ARAP1: variants seen among roughly 807,000 people sequenced by gnomAD.
The protein encoded by ARAP1 is arf-GAP with Rho-GAP domain, ANK repeat and PH domain-containing protein 1.
In ARAP1, 76 loss-of-function variants were observed where a neutral mutation model predicts 172.2. That is an observed-to-expected ratio of 0.44 (90% CI 0.37 to 0.53). The LOEUF (loss-of-function observed/expected upper bound fraction) is 0.53, where lower values mean the gene tolerates loss of function less well. Among genes scored for constraint, ARAP1 ranks in the 20% least tolerant of loss-of-function variants. ARAP1 has a pLI of 0.00. For missense variants in ARAP1, 1,686 were observed against 1,977.5 expected, an observed-to-expected ratio of 0.85 and a Z score of 2.80; for synonymous variants, 804 against 803.3, an observed-to-expected ratio of 1.00 and a Z score of -0.01.
intron 1 of ARAP1, among the ~76,000 whole-genome samples, chr11:72,745,332 G>A (rs1858327967): frequency 6.7e-6 from 1 of 150,304 alleles, no homozygotes; most frequent in Admixed American, 6.6e-5. Context: ...GGGACTACAG[G>A]CGCCTGCCAC....
chr11:72,744,323 G>A (rs996825825), intron 1 of ARAP1, among the ~76,000 whole-genome samples: 8 of 152,162 alleles, frequency 5.3e-5, no homozygotes, highest in African/African-American at 1.9e-4. Flanking sequence ...CACATGGAGA[G>A]CCAGGCAAAT....
Position 72,685,405 on chromosome 11 carries a change from C to A in ARAP1, c.*259G>T, listed in dbSNP as rs1429544601. ...TCTCCAGCCCCACAAGGACAGTGAA[C>A]CCGGTGGGGTGAGCAGGTTGGGCCA... On this transcript the variant is annotated 3_prime_UTR_variant, in exon 35 of 35. Transcript: ENST00000393609. 2 of 564,722 alleles carry A rather than the reference C, an allele frequency of 3.5e-6. No individual in the cohort carries two copies. The highest frequency in any genetic ancestry group is 6.3e-6 in the Non-Finnish European group (2 of 316,022). The allele number at this position is 564,722 out of a possible 1,614,324, so 35.0% of individuals were successfully genotyped here. A position where few individuals can be genotyped will look rare whatever the true frequency, so the allele number is the denominator to read the frequency against.
At chr11:72,694,934 A>G in intron 27 of ARAP1, 46 bp downstream of exon 27, 1 of 1,558,682 alleles carries the variant, frequency 6.4e-7, no homozygotes, top group Non-Finnish European at 8.8e-7. Context: ...TACAGCTGAG[A>G]CAAGACAAGC....
intron 11 of ARAP1, 123 bp downstream of exon 11, chr11:72,709,746 TG>T: frequency 2.1e-6 from 2 of 969,166 alleles, no homozygotes; most frequent in Non-Finnish European, 3.3e-6. Context: ...GCTCCACAGG[TG>T]GGGCAGGGCG....
chr11:72,704,621 G>A (rs1421796534), intron 13 of ARAP1: 1 of 387,646 alleles, frequency 2.6e-6, no homozygotes, highest in African/African-American at 2.1e-5. Context: ...GGGCCTTGCT[G>A]CTGCCCCACC....
At chr11:72,711,620 T>A in intron 7 of ARAP1, 121 bp from the exon 8 acceptor site, 1 of 737,856 alleles carries the variant, frequency 1.4e-6, no homozygotes, top group South Asian at 1.7e-5. Flanking sequence ...GGAGGAAGAA[T>A]CCCAAATGGC....
Position 72,726,624 on chromosome 11 carries a change from C to A in ARAP1, c.505G>T (p.Val169Leu). The A allele has an allele frequency of 6.6e-7, 1 of 1,509,094 alleles. No homozygotes were observed. The allele number at this position is 1,509,094 out of a possible 1,614,324, so 93.5% of individuals were successfully genotyped here. Residue 169 changes from valine to leucine, a missense_variant, in exon 3 of 35, where the codon GTG becomes TTG. By Grantham distance (32) the Val-to-Leu change is conservative. Transcript: ENST00000393609. This position sits in a 1 kb window ranked among gnomAD's most constrained non-coding sequence, Gnocchi z 6.5. ...CCCTGGGTGGCATCCACTCACCTCACCAGCAGGCGGGGGGGTCCGGTGCGG... is the reference window on the plus strand; with the variant it reads ...CCCTGGGTGGCATCCACTCACCTCAACAGCAGGCGGGGGGGTCCGGTGCGG... ...PPRTGPPRLLVSLPTKEEESL... is the reference protein window; with the variant it reads ...PPRTGPPRLLLSLPTKEEESL...
chr11:72,699,346 A>T lies in ARAP1; in HGVS notation c.2438+71T>A. 6.3e-7 allele frequency: 1 copy of T among 1,599,698 alleles called. No individual in the cohort carries two copies. The highest frequency in any genetic ancestry group is 1.1e-5 in the South Asian group (1 of 89,552). ...GGAGGTCCTCCCCTTCTCTGGGTCT[A>T]TTTCCCTGTCTCCCCAGTGGGGGAT... On this transcript the variant is annotated intron_variant, in intron 17 of 34. Coordinates refer to ENST00000393609, the MANE Select transcript of ARAP1 (RefSeq NM_001040118.3). This position sits in a 1 kb window ranked among gnomAD's most constrained non-coding sequence, Gnocchi z 4.2.
chr11:72,688,842 C>T, intron 30 of ARAP1: 1 of 343,172 alleles, frequency 2.9e-6, no homozygotes, highest in Non-Finnish European at 5.5e-6. Flanking sequence ...CACCCTGATG[C>T]CCTGCAAACT....
chr11:72,745,755 C>T (rs932385456), intron 1 of ARAP1, among the ~76,000 whole-genome samples: 4 of 152,138 alleles, frequency 2.6e-5, no homozygotes, highest in Non-Finnish European at 5.9e-5. Flanking sequence ...GTGGAGAGGA[C>T]CAGGGGCCAC....
At chr11:72,687,800 T>G (rs1228153492) in intron 31 of ARAP1, 62 bp from the exon 32 acceptor site, 1 of 1,589,810 alleles carries the variant, frequency 6.3e-7, no homozygotes, top group African/African-American at 1.3e-5. Flanking sequence ...AACACCCCAG[T>G]TCCCAGGACA....
Position 72,710,910 on chromosome 11 carries a change from A to ATG in ARAP1, c.1213+109_1213+110dup. ...TCACAAAGGCAGCATGCCTCCCCGG[A>ATG]TGTGATGTGAGAGGGCAGATGCACC... On this transcript the variant is annotated intron_variant, in intron 9 of 34. Coordinates refer to ENST00000393609, the MANE Select transcript of ARAP1 (RefSeq NM_001040118.3). This position sits in a 1 kb window ranked among gnomAD's most constrained non-coding sequence, Gnocchi z 4.3. 6.4e-7 allele frequency: 1 copy of ATG among 1,562,698 alleles called. No individual in the cohort carries two copies. The highest frequency in any genetic ancestry group is 8.7e-7 in the Non-Finnish European group (1 of 1,149,398).
intron 2 of ARAP1, among the ~76,000 whole-genome samples, chr11:72,730,098 T>G (rs1039919189): frequency 6.6e-6 from 1 of 152,100 alleles, no homozygotes; most frequent in African/African-American, 2.4e-5. Context: ...AGGGGATATC[T>G]GCCACTCATA....
At chr11:72,700,543 T>G (rs1445474430) in intron 16 of ARAP1, 1 of 152,288 alleles carries the variant, frequency 6.6e-6, no homozygotes, top group Non-Finnish European at 1.5e-5. Flanking sequence ...GAGTCATCCT[T>G]CATTCTGCAG....
At position 72,711,092 on chromosome 11, in the gene ARAP1, G is replaced by A; in HGVS notation, c.1142C>T (p.Ala381Val). The stretch of plus-strand genomic sequence containing the variant: ...TTCAAACTTCTGGTCCCCGATGGCA[G>A]CCACGTGGGAGATGCAGGCCACAGA... Reference protein sequence around the residue: ...FISVACISHVAAIGDQKFEVI... With the variant: ...FISVACISHVVAIGDQKFEVI... The change falls in exon 9 of 35, where the codon GCT becomes GTT. Residue 381 changes from alanine to valine, a missense_variant. Coordinates refer to ENST00000393609, the MANE Select transcript of ARAP1 (RefSeq NM_001040118.3). 6.2e-7 allele frequency: 1 copy of A among 1,614,248 alleles called. No individual in the cohort carries two copies. Among genetic ancestry groups the A allele is most frequent in the Non-Finnish European group, 8.5e-7 (1 of 1,180,054 alleles).
chr11:72,703,408 C>CG lies in ARAP1; in HGVS notation c.1993-330dup, dbSNP rs56850317. ...AGCTCCTTCTGCCTTGTGGAGGAGCCGGGGGGGGGGTGTGCTTTGTAGCTA... is the reference window on the plus strand; with the variant it reads ...AGCTCCTTCTGCCTTGTGGAGGAGCCGGGGGGGGGGGTGTGCTTTGTAGCTA... On this transcript the variant is annotated intron_variant, in intron 14 of 34. Transcript: ENST00000393609. 629 of 114,978 alleles carry CG rather than the reference C, an allele frequency of 5.5e-3. 30 individuals carry two copies. The East Asian group carries it at 0.082, about 15-fold the overall frequency. 7.1% of individuals were successfully genotyped at this position (114,978 alleles called of 1,614,324 possible). A position where few individuals can be genotyped will look rare whatever the true frequency, so the allele number is the denominator to read the frequency against.
intron 4 of ARAP1, among the ~76,000 whole-genome samples, chr11:72,713,724 G>A (rs1306483018): frequency 5.3e-5 from 8 of 152,036 alleles, no homozygotes; most frequent in Non-Finnish European, 5.9e-5. Context: ...GCGGGCGCCT[G>A]TAGTCCCAGC....
intron 1 of ARAP1, among the ~76,000 whole-genome samples, chr11:72,737,514 C>G (rs544449471): frequency 6.6e-6 from 1 of 152,158 alleles, no homozygotes; most frequent in African/African-American, 2.4e-5. Context: ...AGAAGATGAC[C>G]CAGAGCCTTA....
At chr11:72,688,560 G>A in intron 30 of ARAP1, 23 bp from the exon 31 acceptor site, 1 of 1,602,540 alleles carries the variant, frequency 6.2e-7, no homozygotes, top group Non-Finnish European at 8.5e-7. Context: ...AAGGAGAAGA[G>A]GGCACTTTAG....
Sources: gnomAD v4.1 joint callset for allele counts (sites outside exome capture counted in the v4.1 genomes callset) on GRCh38, gnomAD v4.1.1 for gene constraint, Gnocchi (gnomAD v3.1) non-coding constraint, MANE v1.5 for transcripts, NCBI Gene and HGNC (gene_info 2026-07-23, HGNC 2026-07-21) for gene names.